Variants in PTPRD observed in about 807,000 individuals in gnomAD.
PTPRD encodes receptor-type tyrosine-protein phosphatase delta.
PTPRD carries 34 observed loss-of-function variants against 214.5 expected under a neutral mutation model. That is an observed-to-expected ratio of 0.16 (90% CI 0.12 to 0.21). The LOEUF (loss-of-function observed/expected upper bound fraction) is 0.21. PTPRD is among the 10% of genes least tolerant of loss of function. The pLI, the probability that PTPRD is intolerant of heterozygous loss-of-function variation, is 1.00. For synonymous variants in PTPRD, 1,128 were observed against 845.7 expected, an observed-to-expected ratio of 1.33 and a Z score of -5.79; for missense variants, 2,545 against 2,398.7, an observed-to-expected ratio of 1.06 and a Z score of -1.27.
At chr9:9,649,895 T>C (rs1276844676) in intron 7 of PTPRD, among the ~76,000 whole-genome samples, 1 of 152,164 alleles carries the variant, frequency 6.6e-6, no homozygotes, top group Admixed American at 6.5e-5. Context: ...GTGAAATAAA[T>C]ATATTTGGAG....
At chr9:9,606,802 C>G (rs1347506566) in intron 7 of PTPRD, among the ~76,000 whole-genome samples, 2 of 151,246 alleles carry the variant, frequency 1.3e-5, no homozygotes, top group African/African-American at 2.4e-5. Flanking sequence ...TTCTTAGCAC[C>G]TAAGACAATA....
chr9:9,814,076 G>T (rs1269326972), intron 5 of PTPRD, among the ~76,000 whole-genome samples: 1 of 152,018 alleles, frequency 6.6e-6, no homozygotes, highest in Non-Finnish European at 1.5e-5. Flanking sequence ...TGCAGAAAAT[G>T]AATTTGATAA....
chr9:10,601,931 G>C (rs1000402899), intron 2 of PTPRD, among the ~76,000 whole-genome samples: 1 of 151,732 alleles, frequency 6.6e-6, no homozygotes, highest in Non-Finnish European at 1.5e-5. Flanking sequence ...AGGGAAGAAA[G>C]GAGCTGTCTC....
chr9:8,914,534 G>A (rs1587938480), intron 11 of PTPRD, among the ~76,000 whole-genome samples: 1 of 152,020 alleles, frequency 6.6e-6, no homozygotes, highest in Non-Finnish European at 1.5e-5. Context: ...TAGGGGTCGA[G>A]ATAAATCTGG....
rs55912430 is a variant in PTPRD at position 9,140,005 on chromosome 9, G to A, written c.-143+43299C>T. On this transcript the variant is annotated intron_variant, in intron 10 of 45. Transcript: ENST00000381196. ...TAGTATAATTGTATATATACCTCCCGCTGTTCTTGATGAAGAGAATGGATT... is the reference window on the plus strand; with the variant it reads ...TAGTATAATTGTATATATACCTCCCACTGTTCTTGATGAAGAGAATGGATT... Among the ~76,000 whole-genome samples the A allele has an allele frequency of 9.5e-3, 1,449 of 152,016 alleles. 12 individuals carry two copies. The highest frequency in any genetic ancestry group is 0.014 in the Non-Finnish European group (927 of 67,974).
chr9:8,361,132 TGTAAAACTTAGATTG>T (rs2078370624), intron 39 of PTPRD, among the ~76,000 whole-genome samples: 1 of 152,232 alleles, frequency 6.6e-6, no homozygotes, highest in Non-Finnish European at 1.5e-5. Context: ...CATACGGATT[TGTAAAACTTAGATTG>T]GTAAAACTGC....
chr9:8,380,890 T>C (rs1217662648), intron 37 of PTPRD, among the ~76,000 whole-genome samples: 1 of 152,136 alleles, frequency 6.6e-6, no homozygotes, highest in Non-Finnish European at 1.5e-5. Context: ...TTAAATTGTC[T>C]ACCACTTTCT....
At chr9:10,483,015 C>T (rs983325382) in intron 2 of PTPRD, among the ~76,000 whole-genome samples, 1 of 152,080 alleles carries the variant, frequency 6.6e-6, no homozygotes, top group African/African-American at 2.4e-5. Context: ...CTGGAGGCAT[C>T]GTATGACTCA....
chr9:8,968,443 C>G (rs1227940774), intron 11 of PTPRD, among the ~76,000 whole-genome samples: 1 of 151,476 alleles, frequency 6.6e-6, no homozygotes, highest in Non-Finnish European at 1.5e-5. Context: ...TAATGATCGC[C>G]GTTCTAACTG....
intron 9 of PTPRD, among the ~76,000 whole-genome samples, chr9:9,209,515 A>AC (rs1427747933): frequency 1.3e-5 from 2 of 152,194 alleles, no homozygotes; most frequent in African/African-American, 4.8e-5. Context: ...TGGGTGTATT[A>AC]ACGGTATTGT....
At chr9:10,169,370 A>C (rs1453182655) in intron 3 of PTPRD, among the ~76,000 whole-genome samples, 1 of 147,558 alleles carries the variant, frequency 6.8e-6, no homozygotes, top group Non-Finnish European at 1.5e-5. Context: ...GCTACCTGGG[A>C]GGCTGAGGCA....
chr9:10,562,360 G>A (rs1049366650), intron 2 of PTPRD, among the ~76,000 whole-genome samples: 1 of 150,382 alleles, frequency 6.6e-6, no homozygotes, highest in South Asian at 2.1e-4. Context: ...TGTATGTTCA[G>A]TGTCTATAAT....
chr9:8,799,851 C>A (rs114048957), intron 11 of PTPRD, among the ~76,000 whole-genome samples: 1 of 151,576 alleles, frequency 6.6e-6, no homozygotes, highest in East Asian at 1.9e-4. Context: ...CCCCCACACA[C>A]TTTTTTTTTC....
intron 2 of PTPRD, among the ~76,000 whole-genome samples, chr9:10,566,187 T>A (rs1316274500): frequency 6.6e-6 from 1 of 152,022 alleles, no homozygotes; most frequent in Non-Finnish European, 1.5e-5. Flanking sequence ...TGTGAGCACT[T>A]GTGCCTTTCC....
chr9:9,832,332 T>C (rs958202487), intron 5 of PTPRD, among the ~76,000 whole-genome samples: 3 of 152,030 alleles, frequency 2.0e-5, no homozygotes, highest in South Asian at 2.1e-4. Flanking sequence ...CCCCTATCTA[T>C]AGGGATGGAT....
At chr9:10,231,904 G>C (rs1312700501) in intron 3 of PTPRD, among the ~76,000 whole-genome samples, 2 of 150,284 alleles carry the variant, frequency 1.3e-5, no homozygotes, top group African/African-American at 4.9e-5. Flanking sequence ...TCTCTTGGTA[G>C]TGAATTATCT....
At chr9:10,060,687 T>G (rs1444232077) in intron 3 of PTPRD, among the ~76,000 whole-genome samples, 4 of 140,622 alleles carry the variant, frequency 2.8e-5, no homozygotes, top group Non-Finnish European at 4.4e-5. Context: ...TTATGTTTTA[T>G]AGGTTCACAA....
At chr9:9,528,795 G>A (rs1266800867) in intron 8 of PTPRD, among the ~76,000 whole-genome samples, 1 of 151,258 alleles carries the variant, frequency 6.6e-6, no homozygotes, top group Non-Finnish European at 1.5e-5. Flanking sequence ...GAAGACAATG[G>A]AAAGACATCT....
intron 2 of PTPRD, among the ~76,000 whole-genome samples, chr9:10,591,736 C>T (rs1310813824): frequency 2.6e-5 from 4 of 152,002 alleles, no homozygotes; most frequent in South Asian, 2.1e-4. Context: ...TGTGTGTGGA[C>T]TGTGCTTAGT....
Sources: gnomAD v4.1 joint callset for allele counts (sites outside exome capture counted in the v4.1 genomes callset) on GRCh38, gnomAD v4.1.1 for gene constraint, MANE v1.5 for transcripts, NCBI Gene and HGNC (gene_info 2026-07-23, HGNC 2026-07-21) for gene names.